COX7B2: variants seen among roughly 807,000 people sequenced by gnomAD.
The protein encoded by COX7B2 is cytochrome c oxidase subunit 7B2, mitochondrial.
For missense variants in COX7B2, 109 were observed against 95.9 expected (o/e 1.14, Z -0.57); for synonymous variants, 37 against 32.1 (o/e 1.15, Z -0.51).
chr4:46,825,923 T>C (rs1714658803), intron 2 of COX7B2, among the ~76,000 whole-genome samples: 1 of 151,842 alleles, frequency 6.6e-6, no homozygotes. Context: ...AACTATAAAA[T>C]CCCTGGAAAT....
intron 1 of COX7B2, among the ~76,000 whole-genome samples, chr4:46,871,632 T>G (rs1717995959): frequency 6.7e-6 from 1 of 149,580 alleles, no homozygotes; most frequent in Non-Finnish European, 1.5e-5. Context: ...TTTAAACATA[T>G]TTACAAGAAA....
At chr4:46,797,753 T>C (rs1245422190) in intron 2 of COX7B2, among the ~76,000 whole-genome samples, 1 of 152,198 alleles carries the variant, frequency 6.6e-6, no homozygotes, top group Non-Finnish European at 1.5e-5. Context: ...CTGTGGATTA[T>C]CATAAGCTTA....
intron 2 of COX7B2, among the ~76,000 whole-genome samples, chr4:46,842,049 CTT>C (rs1715964230): frequency 1.3e-5 from 2 of 151,908 alleles, no homozygotes; most frequent in East Asian, 3.9e-4. Context: ...ATTAACATTC[CTT>C]TACCCCGATT....
At chr4:46,834,448 C>G (rs944210109) in intron 2 of COX7B2, among the ~76,000 whole-genome samples, 1 of 151,890 alleles carries the variant, frequency 6.6e-6, no homozygotes, top group Non-Finnish European at 1.5e-5. Context: ...AAAAACTCTG[C>G]GAATAAACCC....
chr4:46,827,704 G>A (rs1577619645), intron 2 of COX7B2, among the ~76,000 whole-genome samples: 1 of 152,230 alleles, frequency 6.6e-6, no homozygotes, highest in East Asian at 1.9e-4. Context: ...TGGATATACA[G>A]GAAGGAATGA....
rs373762547 is a variant in COX7B2 at position 46,792,062 on chromosome 4, G to T, written c.-50+52898C>A. On this transcript the variant is annotated intron_variant, in intron 2 of 2. Coordinates refer to ENST00000355591, the MANE Select transcript of COX7B2 (RefSeq NM_130902.3). ...AAACATAGCTGATTAACTCCCAGAA[G>T]TAGGTGTCAGCATTTGTGGTAAGAA... Among the ~76,000 whole-genome samples, 23 of 152,328 alleles carry T rather than the reference G, an allele frequency of 1.5e-4. 1 individual carries two copies. Among genetic ancestry groups the T allele is most frequent in the African/African-American group, 5.3e-4 (22 of 41,566 alleles).
At chr4:46,809,470 T>C (rs1719177274) in intron 2 of COX7B2, among the ~76,000 whole-genome samples, 1 of 151,840 alleles carries the variant, frequency 6.6e-6, no homozygotes, top group Non-Finnish European at 1.5e-5. Flanking sequence ...TATGTTGTGT[T>C]CCCATTGTTG....
chr4:46,866,608 G>A (rs1306689493), intron 1 of COX7B2, among the ~76,000 whole-genome samples: 1 of 152,094 alleles, frequency 6.6e-6, no homozygotes. Context: ...TTTCTAATGG[G>A]AAGCAGGGCA....
At chr4:46,746,264 G>T (rs1235543848) in intron 2 of COX7B2, among the ~76,000 whole-genome samples, 1 of 152,160 alleles carries the variant, frequency 6.6e-6, no homozygotes, top group East Asian at 1.9e-4. Context: ...ATGGCAAATA[G>T]TAAATACACA....
chr4:46,865,757 T>A (rs1350502564), intron 1 of COX7B2, among the ~76,000 whole-genome samples: 1 of 152,148 alleles, frequency 6.6e-6, no homozygotes, highest in African/African-American at 2.4e-5. Flanking sequence ...AAGTATAGCA[T>A]CAAGGAATCA....
At chr4:46,904,956 ATTAC>A (rs758741849) in intron 1 of COX7B2, among the ~76,000 whole-genome samples, 2 of 152,174 alleles carry the variant, frequency 1.3e-5, no homozygotes, top group Non-Finnish European at 2.9e-5. Flanking sequence ...TACTAAATGG[ATTAC>A]TTACTTACTT....
At chr4:46,768,145 T>A (rs1204312651) in intron 2 of COX7B2, among the ~76,000 whole-genome samples, 1 of 152,220 alleles carries the variant, frequency 6.6e-6, no homozygotes, top group Non-Finnish European at 1.5e-5. Context: ...TGTGACAGCC[T>A]CATGCACCCA....
At chr4:46,802,932 G>A (rs1718736046) in intron 2 of COX7B2, among the ~76,000 whole-genome samples, 1 of 152,128 alleles carries the variant, frequency 6.6e-6, no homozygotes, top group African/African-American at 2.4e-5. Context: ...TAGGCTTCCT[G>A]AGCTAATAGG....
chr4:46,890,299 C>G (rs1039392128), intron 1 of COX7B2, among the ~76,000 whole-genome samples: 1 of 152,204 alleles, frequency 6.6e-6, no homozygotes, highest in Admixed American at 6.5e-5. Flanking sequence ...TAGCTGCGAA[C>G]TATAACAGAT....
At chr4:46,796,082 A>ACTGGCCATCAGAGAAAT (rs1718320083) in intron 2 of COX7B2, among the ~76,000 whole-genome samples, 1 of 106,558 alleles carries the variant, frequency 9.4e-6, no homozygotes, top group African/African-American at 4.6e-5. Context: ...GTTGCTTATC[A>ACTGGCCATCAGAGAAAT]GCTTAAGGAG....
intron 1 of COX7B2, among the ~76,000 whole-genome samples, chr4:46,868,806 A>C (rs1436809230): frequency 6.6e-6 from 1 of 152,130 alleles, no homozygotes; most frequent in East Asian, 1.9e-4. Flanking sequence ...GGTCGGTTTT[A>C]GAGTAAGTGG....
chr4:46,845,783 C>T (rs1716239139), intron 1 of COX7B2, among the ~76,000 whole-genome samples: 1 of 151,964 alleles, frequency 6.6e-6, no homozygotes, highest in African/African-American at 2.4e-5. Flanking sequence ...TGGAGTGAAA[C>T]AAGAACTGAG....
At chr4:46,781,396 T>C (rs1577697350) in intron 2 of COX7B2, among the ~76,000 whole-genome samples, 1 of 152,214 alleles carries the variant, frequency 6.6e-6, no homozygotes, top group East Asian at 1.9e-4. Flanking sequence ...TTAGTTAGAA[T>C]TGAGTCATCT....
chr4:46,897,688 T>C (rs1298874224), intron 1 of COX7B2, among the ~76,000 whole-genome samples: 5 of 152,130 alleles, frequency 3.3e-5, no homozygotes, highest in Non-Finnish European at 5.9e-5. Context: ...ACTGCTCAAA[T>C]TAAATAGCCC....
Sources: allele counts gnomAD v4.1 joint callset (sites outside exome capture counted in the v4.1 genomes callset), GRCh38; gene constraint gnomAD v4.1.1; transcripts MANE v1.5; gene names NCBI Gene and HGNC (gene_info 2026-07-23, HGNC 2026-07-21).